The following PCDHA5 variants were observed in gnomAD, a reference collection of about 807,000 sequenced individuals.
PCDHA5 encodes protocadherin alpha-5.
In PCDHA5, 43 loss-of-function variants were observed where a neutral mutation model predicts 61.6. The observed-to-expected ratio is 0.70, with a 90% CI of 0.55 to 0.90. The LOEUF (loss-of-function observed/expected upper bound fraction) is 0.90, where lower values mean the gene tolerates loss of function less well. Ranked by LOEUF, PCDHA5 falls within the 40% of genes least tolerant of loss-of-function variation. The probability of loss-of-function intolerance (pLI) is 0.00; values close to 1 mark genes in which losing one functional copy is unlikely to be tolerated. For synonymous variants in PCDHA5, 627 were observed against 543.9 expected, an observed-to-expected ratio of 1.15 and a Z score of -2.13; for missense variants, 1,298 against 1,222.7, an observed-to-expected ratio of 1.06 and a Z score of -0.92.
At chr5:140,869,722 G>C in intron 1 of PCDHA5, 6 of 1,613,324 alleles carry the variant, frequency 3.7e-6, no homozygotes, top group Non-Finnish European at 5.1e-6. Context: ...GAAAACTCCG[G>C]AACTTAATTT....
At chr5:140,881,953 T>G in intron 1 of PCDHA5, 1 of 335,146 alleles carries the variant, frequency 3.0e-6, no homozygotes, top group Non-Finnish European at 5.4e-6. Context: ...AAGGTAAACA[T>G]TTAATCTTCA....
chr5:140,904,707 C>T (rs561558058), intron 1 of PCDHA5, among the ~76,000 whole-genome samples: 1 of 152,244 alleles, frequency 6.6e-6, no homozygotes, highest in African/African-American at 2.4e-5. Context: ...TCCCTTTTCA[C>T]CACATTCTGG....
rs2150317144 is a variant in PCDHA5 at position 140,841,514 on chromosome 5, CG to C, written c.2352+17390del. ...GGCGGAGCTGGTGCCGCGCCTGTTC[CG>C]GGTGGCGTCCAAAAGACACCGGGAC... On this transcript the variant is annotated intron_variant, in intron 1 of 3. Transcript: ENST00000529859. 3,465 of 1,613,482 alleles carry C rather than the reference CG, an allele frequency of 2.1e-3. 25 individuals carry two copies. Among genetic ancestry groups the C allele is most frequent in the Non-Finnish European group, 2.6e-3 (3,065 of 1,179,942 alleles).
chr5:140,983,340 A>AG (rs2097043854), intron 3 of PCDHA5, among the ~76,000 whole-genome samples: 1 of 152,240 alleles, frequency 6.6e-6, no homozygotes, highest in African/African-American at 2.4e-5. Flanking sequence ...TCACTAAAGC[A>AG]GGGTCATGTA....
intron 3 of PCDHA5, among the ~76,000 whole-genome samples, chr5:141,005,701 CAAAA>C (rs59860837): frequency 2.6e-4 from 2 of 7,790 alleles, no homozygotes; most frequent in African/African-American, 4.7e-4. Flanking sequence ...AACTCCGTCT[CAAAA>C]AAAAAAAAAA....
At chr5:140,832,957 G>A in intron 1 of PCDHA5, among the ~76,000 whole-genome samples, 1 of 152,166 alleles carries the variant, frequency 6.6e-6, no homozygotes, top group Non-Finnish European at 1.5e-5. Flanking sequence ...TGAGTATACA[G>A]AAAATTCCAA....
intron 1 of PCDHA5, chr5:140,836,884 T>A (rs1387111400): frequency 1.6e-6 from 1 of 642,656 alleles, no homozygotes; most frequent in Non-Finnish European, 2.5e-6. Flanking sequence ...TTGCACTAAT[T>A]ATTTGGAAGT....
In PCDHA5 at chr5:140,868,769, A is replaced by G. The variant is rs144958028; in HGVS notation, c.2352+44642A>G. 95 of 255,700 alleles carry G rather than the reference A, an allele frequency of 3.7e-4. No individual in the cohort carries two copies. In the Middle Eastern group the frequency reaches 9.0e-3, roughly 24 times the overall value. 15.8% of individuals were successfully genotyped at this position (255,700 alleles called of 1,614,324 possible). On this transcript the variant is annotated intron_variant, in intron 1 of 3. Coordinates refer to ENST00000529859, the MANE Select transcript of PCDHA5 (RefSeq NM_018908.3). ...CCATTTCCATATATATTTAGTTTCA[A>G]TATGACTTATAATCTGAATATTCCA... is the stretch of plus-strand genomic sequence containing the variant.
At chr5:140,899,479 A>T (rs2067352016) in intron 1 of PCDHA5, among the ~76,000 whole-genome samples, 1 of 152,194 alleles carries the variant, frequency 6.6e-6, no homozygotes, top group Non-Finnish European at 1.5e-5. Flanking sequence ...TTCTGTTTAT[A>T]TGCTGGATTA....
chr5:140,951,545 G>C (rs1019007635), intron 1 of PCDHA5, among the ~76,000 whole-genome samples: 2 of 151,950 alleles, frequency 1.3e-5, no homozygotes, highest in Admixed American at 6.6e-5. Context: ...GCAAGGGACG[G>C]GGGGAAGTGC....
At chr5:141,002,589 TC>T (rs1157810975) in intron 3 of PCDHA5, among the ~76,000 whole-genome samples, 1 of 152,140 alleles carries the variant, frequency 6.6e-6, no homozygotes, top group African/African-American at 2.4e-5. Context: ...TAGTCCTTAG[TC>T]CCCTCATCTA....
chr5:140,863,488 A>G (rs1554158271), intron 1 of PCDHA5: 1 of 451,898 alleles, frequency 2.2e-6, no homozygotes, highest in Admixed American at 2.5e-5. Context: ...CCCAAGGTCA[A>G]CATTACGGCT....
intron 1 of PCDHA5, chr5:140,876,457 T>C: frequency 6.2e-7 from 1 of 1,614,008 alleles, no homozygotes; most frequent in Non-Finnish European, 8.5e-7. Flanking sequence ...AGGGATTCCT[T>C]CCATGGCAGG....
chr5:140,838,984 C>T (rs1232719148), intron 1 of PCDHA5, among the ~76,000 whole-genome samples: 1 of 151,886 alleles, frequency 6.6e-6, no homozygotes, highest in African/African-American at 2.4e-5. Flanking sequence ...TTTCACTGTT[C>T]CTAATATTCT....
Position 140,853,605 on chromosome 5 carries a change from G to A in PCDHA5, c.2352+29478G>A, listed in dbSNP as rs773791072. ...TCTTAGACACTTTGAGAGCAAAGGG[G>A]GTGCTGTAAATAAGTATACAAGATC... On this transcript the variant is annotated intron_variant, in intron 1 of 3. Transcript: ENST00000529859. 143 of 987,206 alleles carry A rather than the reference G, an allele frequency of 1.4e-4. 19 individuals carry two copies. The highest frequency in any genetic ancestry group is 1.7e-4 in the Non-Finnish European group (138 of 819,622). 61.2% of individuals were successfully genotyped at this position (987,206 alleles called of 1,614,324 possible). A position where few individuals can be genotyped will look rare whatever the true frequency, so the allele number is the denominator to read the frequency against.
At chr5:140,841,519 G>C (rs1777296865) in intron 1 of PCDHA5, 1 of 1,613,472 alleles carries the variant, frequency 6.2e-7, no homozygotes, top group African/African-American at 1.3e-5. Context: ...TGTTCCGGGT[G>C]GCGTCCAAAA....
rs2150495935 is a variant in PCDHA5 at position 140,850,724 on chromosome 5, C to G, written c.2352+26597C>G. On this transcript the variant is annotated intron_variant, in intron 1 of 3. Coordinates refer to ENST00000529859, the MANE Select transcript of PCDHA5 (RefSeq NM_018908.3). ...GCAAGCCGACGCTGGTGTGTTCTAGCGCGGTGGGGAGTTGGTCGTACTCGC... is the reference window on the plus strand; with the variant it reads ...GCAAGCCGACGCTGGTGTGTTCTAGGGCGGTGGGGAGTTGGTCGTACTCGC... 5.0e-6 allele frequency: 8 copies of G among 1,597,668 alleles called. No individual in the cohort carries two copies. The African/African-American group carries it at 1.1e-4, about 22-fold the overall frequency.
At chr5:140,831,708 G>A (rs2150196932) in intron 1 of PCDHA5, among the ~76,000 whole-genome samples, 10 of 152,148 alleles carry the variant, frequency 6.6e-5, no homozygotes, top group Admixed American at 5.2e-4. Context: ...TAGTGATTAA[G>A]TGTGAGTTTT....
At chr5:140,994,474 G>A (rs545568699) in intron 3 of PCDHA5, among the ~76,000 whole-genome samples, 27 of 152,078 alleles carry the variant, frequency 1.8e-4, no homozygotes, top group Non-Finnish European at 2.9e-4. Flanking sequence ...AGGCTGAGGC[G>A]GGTGGATTGC....
Sources: gnomAD v4.1 joint callset for allele counts (sites outside exome capture counted in the v4.1 genomes callset) on GRCh38, gnomAD v4.1.1 for gene constraint, MANE v1.5 for transcripts, NCBI Gene and HGNC (gene_info 2026-07-23, HGNC 2026-07-21) for gene names.